PTPRD: variants seen among roughly 807,000 people sequenced by gnomAD.
The protein encoded by PTPRD is receptor-type tyrosine-protein phosphatase delta.
Under a neutral mutation model 214.5 loss-of-function variants are expected in PTPRD, and 34 were observed. The ratio of observed to expected loss-of-function variants is 0.16; its 90% confidence interval spans 0.12 to 0.21. The LOEUF is 0.21. Ranked by LOEUF, PTPRD falls within the 10% of genes least tolerant of loss-of-function variation. The pLI, the probability that PTPRD is intolerant of heterozygous loss-of-function variation, is 1.00. For synonymous variants in PTPRD, 1,128 were observed against 845.7 expected, an observed-to-expected ratio of 1.33 and a Z score of -5.79; for missense variants, 2,545 against 2,398.7, an observed-to-expected ratio of 1.06 and a Z score of -1.27.
intron 12 of PTPRD, among the ~76,000 whole-genome samples, chr9:8,657,027 CTGGCGAGGGA>C (rs1250058985): frequency 2.0e-5 from 3 of 151,308 alleles, no homozygotes; most frequent in Non-Finnish European, 4.4e-5. Flanking sequence ...ACCAATCTGA[CTGGCGAGGGA>C]TGGTAGCTCA....
At chr9:9,121,004 A>G (rs1489926863) in intron 10 of PTPRD, among the ~76,000 whole-genome samples, 2 of 152,152 alleles carry the variant, frequency 1.3e-5, no homozygotes, top group Non-Finnish European at 2.9e-5. Context: ...TGTAATGAAG[A>G]TATTATTATT....
chr9:8,871,861 C>A (rs1280613419), intron 11 of PTPRD, among the ~76,000 whole-genome samples: 1 of 152,116 alleles, frequency 6.6e-6, no homozygotes, highest in Admixed American at 6.6e-5. Flanking sequence ...CTGCCCAAAT[C>A]CACTGTTTGA....
chr9:9,350,213 T>C (rs535325019), intron 9 of PTPRD, among the ~76,000 whole-genome samples: 18 of 152,192 alleles, frequency 1.2e-4, no homozygotes, highest in African/African-American at 4.1e-4. Flanking sequence ...TTAATTTTTG[T>C]CATATAGAAA....
intron 9 of PTPRD, among the ~76,000 whole-genome samples, chr9:9,289,235 TCATA>T (rs1489117351): frequency 4.6e-5 from 7 of 151,906 alleles, no homozygotes; most frequent in Non-Finnish European, 1.0e-4. Context: ...TAAAAAATTG[TCATA>T]CAAACAGTGA....
intron 12 of PTPRD, among the ~76,000 whole-genome samples, chr9:8,662,010 G>C (rs1596331621): frequency 6.6e-6 from 1 of 152,076 alleles, no homozygotes; most frequent in Non-Finnish European, 1.5e-5. Flanking sequence ...TTAAACCTCC[G>C]GGTTCAAGTG....
At chr9:8,813,108 G>C (rs948162524) in intron 11 of PTPRD, among the ~76,000 whole-genome samples, 12 of 152,186 alleles carry the variant, frequency 7.9e-5, no homozygotes, top group African/African-American at 2.9e-4. Flanking sequence ...AAAAGTGTCA[G>C]CTTTAGAGGG....
chr9:10,543,989 T>A (rs373538994), intron 2 of PTPRD, among the ~76,000 whole-genome samples: 1 of 152,162 alleles, frequency 6.6e-6, no homozygotes, highest in African/African-American at 2.4e-5. Flanking sequence ...AATGAATGCA[T>A]GTCTCAAGAT....
At chr9:9,091,246 G>A (rs971061353) in intron 10 of PTPRD, 1 of 1,243,892 alleles carries the variant, frequency 8.0e-7, no homozygotes, top group Non-Finnish European at 1.2e-6. Flanking sequence ...GCCCATGTAA[G>A]GAGCTGAGTT....
intron 2 of PTPRD, among the ~76,000 whole-genome samples, chr9:10,409,474 A>T (rs1458056323): frequency 6.6e-6 from 1 of 151,780 alleles, no homozygotes; most frequent in African/African-American, 2.4e-5. Context: ...AAATATGAAC[A>T]TGACTAAAGA....
intron 2 of PTPRD, among the ~76,000 whole-genome samples, chr9:10,479,934 G>A (rs1168858365): frequency 6.6e-6 from 1 of 152,020 alleles, no homozygotes; most frequent in South Asian, 2.1e-4. Flanking sequence ...AGAAAATCCG[G>A]GGTCTTAAAA....
At chr9:10,126,891 G>C (rs2098823956) in intron 3 of PTPRD, among the ~76,000 whole-genome samples, 1 of 149,754 alleles carries the variant, frequency 6.7e-6, no homozygotes, top group Admixed American at 6.7e-5. Context: ...GTAGTAGATA[G>C]AAATTGCCAT....
At chr9:8,710,174 G>C (rs1462032659) in intron 12 of PTPRD, among the ~76,000 whole-genome samples, 1 of 152,124 alleles carries the variant, frequency 6.6e-6, no homozygotes, top group Non-Finnish European at 1.5e-5. Context: ...CCTGGCAATA[G>C]TGGACCATAT....
At chr9:9,265,561 A>G (rs971169390) in intron 9 of PTPRD, among the ~76,000 whole-genome samples, 4 of 151,576 alleles carry the variant, frequency 2.6e-5, no homozygotes, top group Non-Finnish European at 5.9e-5. Flanking sequence ...AAAGATGTAA[A>G]TTGTGACATA....
chr9:8,649,709 G>C (rs1016367485), intron 12 of PTPRD, among the ~76,000 whole-genome samples: 1 of 152,108 alleles, frequency 6.6e-6, no homozygotes, highest in Non-Finnish European at 1.5e-5. Context: ...AAAGTGATTT[G>C]CCTGAGTTTT....
intron 34 of PTPRD, among the ~76,000 whole-genome samples, chr9:8,439,527 G>C (rs1191013013): frequency 6.6e-6 from 1 of 152,050 alleles, no homozygotes; most frequent in African/African-American, 2.4e-5. Flanking sequence ...TAAGTTTGTT[G>C]CTATTTTCTT....
intron 9 of PTPRD, among the ~76,000 whole-genome samples, chr9:9,187,805 T>C (rs2099932595): frequency 6.6e-6 from 1 of 151,964 alleles, no homozygotes; most frequent in Non-Finnish European, 1.5e-5. Flanking sequence ...TGTTGTGTTA[T>C]GTTGTGTGTG....
chr9:10,182,281 A>G (rs11793408), intron 3 of PTPRD, among the ~76,000 whole-genome samples: 1 of 148,280 alleles, frequency 6.7e-6, no homozygotes, highest in Non-Finnish European at 1.5e-5. Flanking sequence ...AAAAAAAAAG[A>G]AAAGAAAAAA....
chr9:8,690,323 G>A (rs2097776667), intron 12 of PTPRD, among the ~76,000 whole-genome samples: 1 of 151,724 alleles, frequency 6.6e-6, no homozygotes, highest in African/African-American at 2.4e-5. Flanking sequence ...GTCAGGACAT[G>A]GAGACCATCC....
chr9:10,160,399 T>A (rs940054607), intron 3 of PTPRD, among the ~76,000 whole-genome samples: 3 of 152,026 alleles, frequency 2.0e-5, no homozygotes, highest in Admixed American at 1.3e-4. Context: ...TTGGCTTCAC[T>A]GCTGAATTTT....
Sources: allele counts gnomAD v4.1 joint callset (sites outside exome capture counted in the v4.1 genomes callset), GRCh38; gene constraint gnomAD v4.1.1; transcripts MANE v1.5; gene names NCBI Gene and HGNC (gene_info 2026-07-23, HGNC 2026-07-21).